RELN: variants seen among roughly 807,000 people sequenced by gnomAD.
The protein encoded by RELN is reelin.
A neutral mutation model predicts 427.6 loss-of-function variants in RELN; 108 were observed. The ratio of observed to expected loss-of-function variants is 0.25; its 90% CI spans 0.22 to 0.30. The LOEUF (loss-of-function observed/expected upper bound fraction) is 0.30. RELN is among the 10% of genes least tolerant of loss of function. RELN has a pLI of 1.00. For synonymous variants in RELN, 1,524 were observed against 1,513.4 expected, an observed-to-expected ratio of 1.01 and a Z score of -0.16; for missense variants, 3,715 against 4,302.8, an observed-to-expected ratio of 0.86 and a Z score of 3.82.
chr7:103,555,887 G>A (rs1830510644), intron 38 of RELN, among the ~76,000 whole-genome samples: 1 of 152,164 alleles, frequency 6.6e-6, no homozygotes, highest in Non-Finnish European at 1.5e-5. Flanking sequence ...AAGGAAATAG[G>A]TTAAATTTTA....
At chr7:103,806,312 C>G (rs2116326092) in intron 3 of RELN, among the ~76,000 whole-genome samples, 1 of 152,098 alleles carries the variant, frequency 6.6e-6, no homozygotes, top group Admixed American at 6.6e-5. Context: ...GGAACTCCCT[C>G]TAAGCACTTT....
At chr7:103,940,171 G>C (rs1056330064) in intron 1 of RELN, among the ~76,000 whole-genome samples, 1 of 152,162 alleles carries the variant, frequency 6.6e-6, no homozygotes, top group African/African-American at 2.4e-5. Context: ...ACTGGGGTTG[G>C]AGGAAGGCTC....
At chr7:103,613,875 A>G (rs1832022283) in intron 20 of RELN, among the ~76,000 whole-genome samples, 1 of 152,202 alleles carries the variant, frequency 6.6e-6, no homozygotes, top group South Asian at 2.1e-4. Flanking sequence ...TATTTTTACA[A>G]TCAGCATCTT....
intron 2 of RELN, among the ~76,000 whole-genome samples, chr7:103,871,319 T>C (rs1794329016): frequency 6.6e-6 from 1 of 152,126 alleles, no homozygotes; most frequent in African/African-American, 2.4e-5. Flanking sequence ...TATTTTTATA[T>C]TGTAAGTAGT....
At chr7:103,676,019 A>G (rs1375056147) in intron 11 of RELN, among the ~76,000 whole-genome samples, 1 of 152,200 alleles carries the variant, frequency 6.6e-6, no homozygotes, top group Non-Finnish European at 1.5e-5. Context: ...AATGGCAACA[A>G]AAGCCAAAAT....
intron 1 of RELN, among the ~76,000 whole-genome samples, chr7:103,918,252 CTTTA>C (rs1392402319): frequency 3.9e-5 from 6 of 152,244 alleles, no homozygotes; most frequent in Non-Finnish European, 8.8e-5. Context: ...CCTTCTCATC[CTTTA>C]ACAAGAAATA....
Position 103,708,464 on chromosome 7 carries a change from C to CTTTTTTTTTTTTTTT in RELN, c.806-7473_806-7459dup, listed in dbSNP as rs745955015. Among the ~76,000 whole-genome samples the CTTTTTTTTTTTTTTT allele has an allele frequency of 3.2e-3, 349 of 109,992 alleles. 56 individuals carry two copies. Among genetic ancestry groups the CTTTTTTTTTTTTTTT allele is most frequent in the African/African-American group, 0.014 (311 of 22,562 alleles). The allele number at this position is 109,992 out of a possible 152,430, so 72.2% of individuals were successfully genotyped here. A position where few individuals can be genotyped will look rare whatever the true frequency, so the allele number is the denominator to read the frequency against. ...CACCCAAACACCAGTGGGTATGACT[C>CTTTTTTTTTTTTTTT]TTTTTTTTTTTTTTTTTGAGACGGA... On this transcript the variant is annotated intron_variant, in intron 8 of 64. Transcript: ENST00000428762.
chr7:103,475,216 CT>C (rs551981579), intron 64 of RELN, among the ~76,000 whole-genome samples: 120 of 133,444 alleles, frequency 9.0e-4, no homozygotes, highest in Middle Eastern at 3.6e-3. Flanking sequence ...TATAAGTGAA[CT>C]TTTTTTTTTT....
At chr7:103,624,319 T>G (rs1380723610) in intron 20 of RELN, among the ~76,000 whole-genome samples, 1 of 152,172 alleles carries the variant, frequency 6.6e-6, no homozygotes, top group African/African-American at 2.4e-5. Flanking sequence ...CTTCCTACTC[T>G]CTCGGGCTGA....
At chr7:103,814,521 C>T (rs890986462) in intron 3 of RELN, among the ~76,000 whole-genome samples, 51 of 152,074 alleles carry the variant, frequency 3.4e-4, no homozygotes, top group African/African-American at 1.2e-3. Context: ...TCAATAAATC[C>T]AAATGAAACA....
intron 2 of RELN, among the ~76,000 whole-genome samples, chr7:103,909,149 A>T (rs530249626): frequency 9.2e-5 from 14 of 152,292 alleles, no homozygotes; most frequent in African/African-American, 3.1e-4. Flanking sequence ...ATGAATATTA[A>T]GCCCTAAATA....
chr7:103,538,787 A>C (rs1304756984), intron 45 of RELN, among the ~76,000 whole-genome samples: 1 of 152,194 alleles, frequency 6.6e-6, no homozygotes, highest in Non-Finnish European at 1.5e-5. Flanking sequence ...TAATACTATA[A>C]AACCTGGATT....
intron 46 of RELN, among the ~76,000 whole-genome samples, chr7:103,525,408 G>A (rs1285123417): frequency 7.9e-5 from 12 of 152,102 alleles, no homozygotes; most frequent in Non-Finnish European, 1.6e-4. Flanking sequence ...GTTCAACATC[G>A]TAGACTTCAT....
intron 22 of RELN, among the ~76,000 whole-genome samples, chr7:103,608,108 AGATT>A (rs1831861686): frequency 6.6e-6 from 1 of 152,214 alleles, no homozygotes; most frequent in Non-Finnish European, 1.5e-5. Flanking sequence ...GGCAGAACAA[AGATT>A]TGGCCAAAAA....
intron 57 of RELN, among the ~76,000 whole-genome samples, chr7:103,492,476 TC>T (rs1414829749): frequency 2.0e-5 from 3 of 152,228 alleles, no homozygotes; most frequent in Non-Finnish European, 4.4e-5. Flanking sequence ...TTTCTGTATT[TC>T]CATATCAATG....
intron 1 of RELN, among the ~76,000 whole-genome samples, chr7:103,940,353 C>T (rs11766205): frequency 0.057 from 8,719 of 152,052 alleles, 317 homozygotes; most frequent in Non-Finnish European, 0.076. Context: ...CTGTATGGTC[C>T]GTTATTATGA....
chr7:103,981,207 G>GT (rs1796985470), intron 1 of RELN, among the ~76,000 whole-genome samples: 1 of 152,170 alleles, frequency 6.6e-6, no homozygotes, highest in Non-Finnish European at 1.5e-5. Context: ...ACGTCTAGAT[G>GT]TTTTAAATGT....
At chr7:103,521,022 TGC>T (rs1829695997) in intron 48 of RELN, among the ~76,000 whole-genome samples, 1 of 128,080 alleles carries the variant, frequency 7.8e-6, no homozygotes, top group Non-Finnish European at 1.6e-5. Context: ...CAGGCGGGAC[TGC>T]GGACTGCAGT....
chr7:103,852,599 T>A (rs1026450335), intron 2 of RELN, among the ~76,000 whole-genome samples: 2 of 152,128 alleles, frequency 1.3e-5, no homozygotes, highest in African/African-American at 2.4e-5. Flanking sequence ...TCTATCTATG[T>A]CCTTAATGAC....
Sources: gnomAD v4.1 joint callset for allele counts (sites outside exome capture counted in the v4.1 genomes callset) on GRCh38, gnomAD v4.1.1 for gene constraint, MANE v1.5 for transcripts, NCBI Gene and HGNC (gene_info 2026-07-23, HGNC 2026-07-21) for gene names.